USP6NL: variants seen among roughly 807,000 people sequenced by gnomAD.
USP6NL encodes USP6 N-terminal like, also known as USP6 N-terminal-like protein.
In USP6NL, 26 loss-of-function variants were observed where a neutral mutation model predicts 61.9. The ratio of observed to expected loss-of-function variants is 0.42; its 90% confidence interval spans 0.31 to 0.58. USP6NL has a LOEUF of 0.58. USP6NL is among the 20% of genes least tolerant of loss of function. The probability of loss-of-function intolerance (pLI) is 0.16; values close to 1 mark genes in which losing one functional copy is unlikely to be tolerated. For missense variants in USP6NL, 1,114 were observed against 1,034.3 expected (o/e 1.08, Z -1.06); for synonymous variants, 432 against 390.1 (o/e 1.11, Z -1.27).
At chr10:11,599,294 A>G (rs892974293) in intron 1 of USP6NL, among the ~76,000 whole-genome samples, 1 of 152,230 alleles carries the variant, frequency 6.6e-6, no homozygotes, top group Non-Finnish European at 1.5e-5. Context: ...TGTAGAGTCT[A>G]GTCGCTTTGA....
Position 11,485,060 on chromosome 10 carries a change from G to A in USP6NL, c.836C>T (p.Thr279Ile). 1.3e-6 allele frequency: 2 copies of A among 1,546,138 alleles called. 1 individual carries two copies. The highest frequency in any genetic ancestry group is 2.4e-5 in the South Asian group (2 of 82,032). ...GATATCCCATATTCTGAGGTTTAGT[G>A]TAAAGGGAGTCTACAATTAAAAGCA... The part of the protein sequence containing the change: ...FQCFLDRTPF[T>I]LNLRIWDIYI... The change falls in exon 13 of 15, where the codon ACA becomes ATA. Residue 279 changes from threonine (T) to isoleucine (I), a missense_variant. Physicochemically the swap from Thr to Ile is moderately conservative, Grantham distance 89. Transcript: ENST00000609104. This position sits in a 1 kb window ranked among gnomAD's most constrained non-coding sequence, Gnocchi z 4.8.
chr10:11,593,719 G>A (rs545428360), intron 2 of USP6NL, among the ~76,000 whole-genome samples: 29 of 152,118 alleles, frequency 1.9e-4, no homozygotes, highest in Non-Finnish European at 3.8e-4. Flanking sequence ...GAATAAAAGC[G>A]GAAAAACATT....
intron 2 of USP6NL, among the ~76,000 whole-genome samples, chr10:11,566,856 A>C (rs1837180235): frequency 6.6e-6 from 1 of 152,246 alleles, no homozygotes; most frequent in Non-Finnish European, 1.5e-5. Context: ...TCACGCCTGT[A>C]ATCCCAAAAC....
chr10:11,535,756 A>G (rs1835809119), intron 2 of USP6NL, among the ~76,000 whole-genome samples: 2 of 152,194 alleles, frequency 1.3e-5, no homozygotes, highest in African/African-American at 2.4e-5. Flanking sequence ...TTACGTTTTT[A>G]GTTGTGACCA....
intron 14 of USP6NL, among the ~76,000 whole-genome samples, chr10:11,469,079 G>A (rs1168072201): frequency 2.0e-5 from 3 of 152,152 alleles, no homozygotes; most frequent in Non-Finnish European, 2.9e-5. Flanking sequence ...CATCATATTA[G>A]AATTAAAGGA....
rs1387574795 is a variant in USP6NL, at chr10:11,532,752, TTAA to T, written c.5-5188_5-5186del. 6.6e-6 allele frequency among the ~76,000 whole-genome samples: 1 copy of T among 152,248 alleles called. No homozygotes were observed. Among genetic ancestry groups the T allele is most frequent in the Non-Finnish European group, 1.5e-5 (1 of 68,046 alleles). On this transcript the variant is annotated intron_variant, in intron 2 of 14. Transcript: ENST00000609104. The surrounding 1 kb of genome is among the most constrained non-coding windows in gnomAD (Gnocchi z 4.1). ...TACATTTTATATCTTAATGTAATTT[TTAA>T]TAATAATTCTTAATGTGAAAATTGT...
rs191118580 is a variant in USP6NL at position 11,592,538 on chromosome 10, A to G, written c.4+5093T>C. On this transcript the variant is annotated intron_variant, in intron 2 of 14. Transcript: ENST00000609104. This position sits in a 1 kb window ranked among gnomAD's most constrained non-coding sequence, Gnocchi z 4.7. ...CCAAATCTAAATTTATCAAACATAA[A>G]TGAGTCTTAATATAACAAAAGGATA... Among the ~76,000 whole-genome samples, 1 of 152,268 alleles carries G rather than the reference A, an allele frequency of 6.6e-6. No homozygotes were observed. The highest frequency in any genetic ancestry group is 1.5e-5 in the Non-Finnish European group (1 of 68,044).
intron 2 of USP6NL, among the ~76,000 whole-genome samples, chr10:11,593,964 C>T (rs1838238906): frequency 6.6e-6 from 1 of 152,190 alleles, no homozygotes; most frequent in Admixed American, 6.5e-5. Context: ...AATATCCAAT[C>T]TTTCTTTTAA....
At position 11,581,969 on chromosome 10, in the gene USP6NL, T is replaced by G. The variant is rs373811935; in HGVS notation, c.4+15662A>C. 9.8e-4 allele frequency among the ~76,000 whole-genome samples: 148 copies of G among 151,736 alleles called. 1 individual carries two copies. The South Asian group carries it at 0.01, about 11-fold the overall frequency. On this transcript the variant is annotated intron_variant, in intron 2 of 14. Transcript: ENST00000609104. ...TGGTGGCGGTGGTGGTGGTGGTGGT[T>G]GTTGTTGTTTTTGAGACGGAGTTTC...
chr10:11,480,512 G>C (rs1833152077), intron 14 of USP6NL, among the ~76,000 whole-genome samples: 1 of 152,186 alleles, frequency 6.6e-6, no homozygotes, highest in African/African-American at 2.4e-5. Flanking sequence ...CTGAACAGGA[G>C]AGGGCTGACC....
chr10:11,586,354 A>G (rs1264586310), intron 2 of USP6NL, among the ~76,000 whole-genome samples: 1 of 151,734 alleles, frequency 6.6e-6, no homozygotes, highest in Non-Finnish European at 1.5e-5. Flanking sequence ...AAACTGAGCC[A>G]TCTTAAATGA....
rs746902159 is a variant in USP6NL, at chr10:11,462,692, C to T, written c.2236G>A (p.Glu746Lys). 2.5e-6 allele frequency: 4 copies of T among 1,613,992 alleles called. No individual in the cohort carries two copies. Among genetic ancestry groups the T allele is most frequent in the Non-Finnish European group, 3.4e-6 (4 of 1,179,890 alleles). Residue 746 changes from glutamate to lysine, a missense_variant, in exon 15 of 15, where the codon GAG (glutamate) becomes AAG (lysine). By Grantham distance (56) the Glu-to-Lys change is moderately conservative. Transcript: ENST00000609104. ...CGGGTCCATGATTGTCCCTGCGTCT[C>T]AGGTCTGTATGTATAACTAACTTCT... ...WSEVSYTYRP[E>K]TQGQSWTRDA...
intron 4 of USP6NL, among the ~76,000 whole-genome samples, chr10:11,519,877 T>C (rs1835136119): frequency 6.6e-6 from 1 of 152,224 alleles, no homozygotes; most frequent in Non-Finnish European, 1.5e-5. Context: ...TTGGCAACAC[T>C]ATGTTTATAT....
At position 11,553,890 on chromosome 10, in the gene USP6NL, CAAAA is replaced by C. The variant is rs35646401; in HGVS notation, c.5-26327_5-26324del. ...TGGGCAACAGAGTAAGACTCCATCT[CAAAA>C]AAAAAAAAAAGCAAGATTAAAACAA... On this transcript the variant is annotated intron_variant, in intron 2 of 14. Transcript: ENST00000609104. This position sits in a 1 kb window ranked among gnomAD's most constrained non-coding sequence, Gnocchi z 4.8. Among the ~76,000 whole-genome samples the C allele has an allele frequency of 7.2e-6, 1 of 138,066 alleles. No individual in the cohort carries two copies. The highest frequency in any genetic ancestry group is 7.1e-5 in the Admixed American group (1 of 14,086). The allele number at this position is 138,066 out of a possible 152,430, so 90.6% of individuals were successfully genotyped here. A position where few individuals can be genotyped will look rare whatever the true frequency, so the allele number is the denominator to read the frequency against.
chr10:11,598,236 A>G lies in USP6NL; in HGVS notation c.-83-519T>C, dbSNP rs558260808. 2.0e-5 allele frequency among the ~76,000 whole-genome samples: 3 copies of G among 152,122 alleles called. No homozygotes were observed. Among genetic ancestry groups the G allele is most frequent in the South Asian group, 4.1e-4 (2 of 4,828 alleles). Reference sequence around the variant, plus strand: ...TTGTTTTAAAAACAAAAAGAATAACAATAAGGTAAACTTCTCTCATAACAT... The same window carrying G: ...TTGTTTTAAAAACAAAAAGAATAACGATAAGGTAAACTTCTCTCATAACAT... On this transcript the variant is annotated intron_variant, in intron 1 of 14. Transcript: ENST00000609104. This position sits in a 1 kb window ranked among gnomAD's most constrained non-coding sequence, Gnocchi z 4.7.
chr10:11,509,496 T>C, intron 6 of USP6NL, 99 bp downstream of exon 6: 1 of 1,180,540 alleles, frequency 8.5e-7, no homozygotes, highest in Non-Finnish European at 1.2e-6. Context: ...CAAAACCAAA[T>C]ATGAATGTAA....
Position 11,489,180 on chromosome 10 carries a change from G to A in USP6NL, c.586C>T (p.Leu196Phe), listed in dbSNP as rs754681830. Residue 196 changes from leucine to phenylalanine, a missense_variant, in exon 10 of 15, where the codon CTC (leucine) becomes TTC (phenylalanine). Transcript: ENST00000609104. This position sits in a 1 kb window ranked among gnomAD's most constrained non-coding sequence, Gnocchi z 5.7. ...CQGMSQITAL[L>F]LMYMNEEDAF... is the part of the protein sequence containing the mutation. Reference sequence around the variant, plus strand: ...TCTTCCTCGTTCATATACATGAGGAGTAAAGCTGTGATCTGGCTCATCCCC... The same window carrying A: ...TCTTCCTCGTTCATATACATGAGGAATAAAGCTGTGATCTGGCTCATCCCC... 5 of 1,613,810 alleles carry A rather than the reference G, an allele frequency of 3.1e-6. No individual in the cohort carries two copies. In the East Asian group the frequency reaches 8.9e-5, roughly 29 times the overall value.
intron 2 of USP6NL, among the ~76,000 whole-genome samples, chr10:11,533,650 C>G (rs1378372824): frequency 6.6e-6 from 1 of 152,116 alleles, no homozygotes; most frequent in Admixed American, 6.5e-5. Context: ...CCTAGTGGCT[C>G]CAGAAGGAAC....
Position 11,468,568 on chromosome 10 carries a change from G to C in USP6NL, c.1079-4719C>G, listed in dbSNP as rs1407960070. ...TTACAAGGACAGGGTAGGGAAGAGA[G>C]GTCAAGGACAGCAGCAAGATGGTTT... is the stretch of plus-strand genomic sequence containing the variant. On this transcript the variant is annotated intron_variant, in intron 14 of 14. Coordinates refer to ENST00000609104, the MANE Select transcript of USP6NL (RefSeq NM_014688.5). The surrounding 1 kb of genome is among the most constrained non-coding windows in gnomAD (Gnocchi z 4.5). Among the ~76,000 whole-genome samples the C allele has an allele frequency of 6.6e-6, 1 of 152,206 alleles. No individual in the cohort carries two copies. The highest frequency in any genetic ancestry group is 1.5e-5 in the Non-Finnish European group (1 of 68,042).
Sources: allele counts gnomAD v4.1 joint callset (sites outside exome capture counted in the v4.1 genomes callset), GRCh38; gene constraint gnomAD v4.1.1; non-coding constraint Gnocchi (gnomAD v3.1); transcripts MANE v1.5; gene names NCBI Gene and HGNC (gene_info 2026-07-23, HGNC 2026-07-21).